The following MED17 variants were observed in gnomAD, a reference collection of about 807,000 sequenced individuals.
MED17 encodes the protein mediator complex subunit 17, also known as mediator of RNA polymerase II transcription subunit 17.
Under a neutral mutation model 80.8 loss-of-function variants are expected in MED17, and 49 were observed. The ratio of observed to expected loss-of-function variants is 0.61; its 90% confidence interval spans 0.48 to 0.77. MED17 has a LOEUF of 0.77. MED17 is among the 30% of genes least tolerant of loss of function. MED17 has a pLI of 0.00. For synonymous variants in MED17, 281 were observed against 280.4 expected (o/e 1.00, Z -0.02); for missense variants, 718 against 787.0 (o/e 0.91, Z 1.05).
chr11:93,810,741 C>G (rs1944078278), intron 11 of MED17: 1 of 152,244 alleles, frequency 6.6e-6, no homozygotes, highest in African/African-American at 2.4e-5. Flanking sequence ...CTTTAATAGG[C>G]ACTTGTATGA....
intron 9 of MED17, among the ~76,000 whole-genome samples, chr11:93,804,076 TTAAG>T (rs756051073): frequency 2.0e-5 from 3 of 149,968 alleles, no homozygotes; most frequent in East Asian, 4.0e-4. Context: ...GGGGAGTTTA[TTAAG>T]TATTAACTCA....
Position 93,812,445 on chromosome 11 carries a change from C to CTTTTTTTTT in MED17, c.*384_*392dup, listed in dbSNP as rs553014429. 11 of 352,380 alleles carry CTTTTTTTTT rather than the reference C, an allele frequency of 3.1e-5. No homozygotes were observed. Among genetic ancestry groups the CTTTTTTTTT allele is most frequent in the Middle Eastern group, 8.0e-4 (1 of 1,254 alleles). The allele number at this position is 352,380 out of a possible 1,614,324, so 21.8% of individuals were successfully genotyped here. On this transcript the variant is annotated 3_prime_UTR_variant, in exon 12 of 12. Coordinates refer to ENST00000251871, the MANE Select transcript of MED17 (RefSeq NM_004268.5). ...TTTTTCCCCCCAAATACTTTCTAAA[C>CTTTTTTTTT]TTTTTTTTTTTGAGATGGTATCTCA...
rs558974449 is a variant in MED17 at position 93,807,119 on chromosome 11, C to CT, written c.1467-389dup. 4.8e-3 allele frequency: 906 copies of CT among 189,892 alleles called. 7 individuals carry two copies. The highest frequency in any genetic ancestry group is 0.045 in the South Asian group (458 of 10,220). The allele number at this position is 189,892 out of a possible 1,614,324, so 11.8% of individuals were successfully genotyped here. A position where few individuals can be genotyped will look rare whatever the true frequency, so the allele number is the denominator to read the frequency against. ...TGGATGTTGGTGTGGGTTATTAAAA[C>CT]TTTTTTTTTTGGCCGGGTGCAGTGG... On this transcript the variant is annotated intron_variant, in intron 9 of 11. Transcript: ENST00000251871.
intron 6 of MED17, 142 bp downstream of exon 6, chr11:93,795,202 C>T (rs1357400593): frequency 1.2e-5 from 11 of 910,716 alleles, no homozygotes; most frequent in Non-Finnish European, 1.8e-5. Context: ...GCCAGTAAAG[C>T]ATGTAACACA....
chr11:93,812,137 CAAAGAAGAGATAACTTCCA>C lies in MED17; in HGVS notation c.*79_*97del. The C allele has an allele frequency of 8.0e-7, 1 of 1,257,006 alleles. No individual in the cohort carries two copies. The highest frequency in any genetic ancestry group is 1.2e-6 in the Non-Finnish European group (1 of 858,190). 77.9% of individuals were successfully genotyped at this position (1,257,006 alleles called of 1,614,324 possible). A position where few individuals can be genotyped will look rare whatever the true frequency, so the allele number is the denominator to read the frequency against. Reference sequence around the variant, plus strand: ...AATGTTTGCAGATCAACTATAAGCACAAAGAAGAGATAACTTCCAAAAGAGTGCTGTTTTTAAAAATAAT... The same window carrying C: ...AATGTTTGCAGATCAACTATAAGCACAAAGAGTGCTGTTTTTAAAAATAAT... On this transcript the variant is annotated 3_prime_UTR_variant, in exon 12 of 12. Transcript: ENST00000251871.
At chr11:93,794,394 G>A (rs1943878786) in intron 5 of MED17, 2 of 271,846 alleles carry the variant, frequency 7.4e-6, no homozygotes, top group African/African-American at 2.3e-5. Flanking sequence ...AGTAGAGATG[G>A]GGTTTCTCCA....
chr11:93,797,613 T>G lies in MED17; in HGVS notation c.1222T>G (p.Ser408Ala), dbSNP rs1187974731. The G allele has an allele frequency of 1.2e-6, 2 of 1,614,098 alleles. No individual in the cohort carries two copies. The highest frequency in any genetic ancestry group is 3.3e-5 in the Admixed American group (2 of 60,024). ...APFGHKRMRLSGPQAFDKNEI... is the reference protein window; with the variant it reads ...APFGHKRMRLAGPQAFDKNEI... Reference sequence around the variant, plus strand: ...TTTTGGCCACAAGAGAATGAGACTTTCGGGTCCTCAAGCTTTTGATAAAAA... The same window carrying G: ...TTTTGGCCACAAGAGAATGAGACTTGCGGGTCCTCAAGCTTTTGATAAAAA... The change falls in exon 8 of 12, where the codon TCG becomes GCG. Residue 408 changes from serine (S) to alanine (A), a missense_variant. Physicochemically the swap from Ser to Ala is moderately conservative, Grantham distance 99. Transcript: ENST00000251871.
intron 6 of MED17, 182 bp downstream of exon 6, chr11:93,795,242 A>G: frequency 1.4e-6 from 1 of 726,024 alleles, no homozygotes; most frequent in Non-Finnish European, 2.3e-6. Flanking sequence ...TTCTGTCCTA[A>G]ATAGTGTGAC....
intron 6 of MED17, chr11:93,795,342 A>G (rs1943888398): frequency 4.6e-6 from 2 of 437,812 alleles, no homozygotes; most frequent in East Asian, 4.6e-5. Flanking sequence ...TAGCATAGCT[A>G]TAGTTATTTA....
chr11:93,810,788 T>C (rs896224344), intron 11 of MED17: 9 of 152,230 alleles, frequency 5.9e-5, no homozygotes, highest in Non-Finnish European at 1.0e-4. Flanking sequence ...GAAGCGCTTA[T>C]GGTTTTAGTG....
intron 11 of MED17, chr11:93,810,634 G>T (rs757490081): frequency 1.3e-5 from 2 of 152,270 alleles, no homozygotes; most frequent in Non-Finnish European, 2.9e-5. Context: ...CAGATGATCC[G>T]CCTGCCTCGG....
chr11:93,807,564 G>A lies in MED17; in HGVS notation c.1513G>A (p.Val505Ile). 1.2e-6 allele frequency: 2 copies of A among 1,613,628 alleles called. No individual in the cohort carries two copies. The highest frequency in any genetic ancestry group is 1.1e-5 in the South Asian group (1 of 91,074). The change falls in exon 10 of 12, where the codon GTA (valine) becomes ATA (isoleucine). Residue 505 changes from valine to isoleucine, a missense_variant. Physicochemically the swap from Val to Ile is conservative, Grantham distance 29 (BLOSUM62 3). Transcript: ENST00000251871. ...LNIGVEQIRV[V>I]HRDGRVITLS... ...TATTGGAGTTGAGCAGATTCGAGTT[G>A]TACATAGAGATGGAAGAGTAATTAC...
chr11:93,797,926 C>G (rs927986762), intron 8 of MED17, among the ~76,000 whole-genome samples: 11 of 152,190 alleles, frequency 7.2e-5, no homozygotes, highest in African/African-American at 1.9e-4. Flanking sequence ...TGTATTCTTT[C>G]TAACACTGTC....
intron 3 of MED17, among the ~76,000 whole-genome samples, chr11:93,792,562 C>T (rs987738568): frequency 1.3e-5 from 2 of 152,164 alleles, no homozygotes; most frequent in African/African-American, 4.8e-5. Context: ...AAACCAGTTA[C>T]ATTGAACCAC....
intron 10 of MED17, chr11:93,809,411 C>G (rs1395960390): frequency 1.2e-5 from 5 of 414,068 alleles, no homozygotes; most frequent in Non-Finnish European, 2.3e-5. Flanking sequence ...TTTGAAGGGG[C>G]AAATGTTACA....
At position 93,797,703 on chromosome 11, in the gene MED17, A is replaced by G. The variant is rs753921272; in HGVS notation, c.1312A>G (p.Ile438Val). 6.2e-7 allele frequency: 1 copy of G among 1,613,146 alleles called. No homozygotes were observed. The highest frequency in any genetic ancestry group is 1.1e-5 in the South Asian group (1 of 91,032). ...AAAAATAATTAAACAAGCAAAGCAT[A>G]TTTTTCTAAGGAGTAGGTAAGGTTG... Reference protein sequence around the residue: ...LEKIIKQAKHIFLRSRAAATI... With the variant: ...LEKIIKQAKHVFLRSRAAATI... The change falls in exon 8 of 12, where the codon ATT becomes GTT. Residue 438 changes from isoleucine (I) to valine (V), a missense_variant. Ile to Val is a conservative substitution (Grantham distance 29). Coordinates refer to ENST00000251871, the MANE Select transcript of MED17 (RefSeq NM_004268.5).
At chr11:93,802,063 T>G in intron 9 of MED17, 91 bp downstream of exon 9, 1 of 1,223,212 alleles carries the variant, frequency 8.2e-7, no homozygotes. Flanking sequence ...GGTTTTTATT[T>G]GCTAGGGTGG....
intron 1 of MED17, among the ~76,000 whole-genome samples, chr11:93,786,472 TG>T (rs1327997634): frequency 6.8e-6 from 1 of 148,076 alleles, no homozygotes. Context: ...TGGTTTGTTT[TG>T]TTTTTTTTTT....
chr11:93,789,839 G>GT (rs1943813523), intron 2 of MED17: 1 of 150,660 alleles, frequency 6.6e-6, no homozygotes, highest in Non-Finnish European at 1.5e-5. Context: ...CACATCTGGA[G>GT]TCCCAGCTTC....
Sources: allele counts gnomAD v4.1 joint callset (sites outside exome capture counted in the v4.1 genomes callset), GRCh38; gene constraint gnomAD v4.1.1; transcripts MANE v1.5; gene names NCBI Gene and HGNC (gene_info 2026-07-23, HGNC 2026-07-21).